The following CFAP95 variants were observed in gnomAD, a reference collection of about 807,000 sequenced individuals.
CFAP95 encodes the protein cilia and flagella associated protein 95, also known as cilia- and flagella-associated protein 95.
At chr9:69,838,615 G>A in the CFAP95 span, among the ~76,000 whole-genome samples, 66 of 151,912 alleles carry the variant, frequency 4.3e-4, no homozygotes, top group African/African-American at 1.6e-3. Flanking sequence ...TTGCTTATCA[G>A]CTTAAGGAGA....
the CFAP95 span, among the ~76,000 whole-genome samples, chr9:69,831,245 C>A: frequency 6.6e-6 from 1 of 151,674 alleles, no homozygotes; most frequent in Non-Finnish European, 1.5e-5. Context: ...AATAATTTAG[C>A]CTCCTTTTAT....
chr9:69,822,536 C>T, the CFAP95 span, among the ~76,000 whole-genome samples: 2 of 152,322 alleles, frequency 1.3e-5, no homozygotes, highest in South Asian at 4.1e-4. Flanking sequence ...TCAAGCAAAA[C>T]ACTTAGCTCT....
At chr9:69,876,066 A>C in the CFAP95 span, among the ~76,000 whole-genome samples, 1 of 152,244 alleles carries the variant, frequency 6.6e-6, no homozygotes, top group Admixed American at 6.5e-5. Context: ...TTGGGTAATA[A>C]GACATATGCA....
At chr9:69,876,506 C>T in the CFAP95 span, among the ~76,000 whole-genome samples, 1 of 151,254 alleles carries the variant, frequency 6.6e-6, no homozygotes, top group South Asian at 2.1e-4. Flanking sequence ...GCACTCCAGC[C>T]TGGGGATGAC....
chr9:69,889,198 T>C, the CFAP95 span, among the ~76,000 whole-genome samples: 2 of 152,228 alleles, frequency 1.3e-5, no homozygotes, highest in Non-Finnish European at 2.9e-5. Flanking sequence ...GGAAACCGTA[T>C]TTGTAAATAC....
the CFAP95 span, among the ~76,000 whole-genome samples, chr9:69,824,669 G>A: frequency 1.3e-5 from 2 of 151,932 alleles, no homozygotes; most frequent in African/African-American, 4.8e-5. Flanking sequence ...GGAAATGCAT[G>A]CATTAGAAAG....
At chr9:69,894,103 T>G in the CFAP95 span, among the ~76,000 whole-genome samples, 12 of 152,176 alleles carry the variant, frequency 7.9e-5, no homozygotes, top group African/African-American at 2.9e-4. Context: ...ATGGTGGCCT[T>G]TCTAACCTAA....
the CFAP95 span, chr9:69,858,051 G>T: frequency 7.1e-7 from 1 of 1,405,438 alleles, no homozygotes; most frequent in Non-Finnish European, 1.0e-6. Flanking sequence ...AGGGGCAAAG[G>T]TATGACAGGG....
At chr9:69,885,597 C>T in the CFAP95 span, among the ~76,000 whole-genome samples, 1 of 152,230 alleles carries the variant, frequency 6.6e-6, no homozygotes, top group African/African-American at 2.4e-5. Flanking sequence ...TCAGGGTTTC[C>T]CTTTTGGGCT....
At chr9:69,835,518 G>A in the CFAP95 span, among the ~76,000 whole-genome samples, 51 of 152,216 alleles carry the variant, frequency 3.4e-4, no homozygotes, top group Admixed American at 9.2e-4. Flanking sequence ...CCCTCTTTAC[G>A]TGTGCTTTTG....
At chr9:69,898,446 A>G in the CFAP95 span, among the ~76,000 whole-genome samples, 3 of 152,196 alleles carry the variant, frequency 2.0e-5, no homozygotes, top group Non-Finnish European at 4.4e-5. Flanking sequence ...GGTAATTTTA[A>G]TTGTTGTATA....
the CFAP95 span, among the ~76,000 whole-genome samples, chr9:69,865,925 G>C: frequency 6.6e-6 from 1 of 152,060 alleles, no homozygotes; most frequent in Non-Finnish European, 1.5e-5. Flanking sequence ...CTATGAATTG[G>C]TTTCATCATT....
At chr9:69,832,620 A>ATTTTTTTTTTTTTTTTTTTT in the CFAP95 span, among the ~76,000 whole-genome samples, 2 of 11,350 alleles carry the variant, frequency 1.8e-4, no homozygotes, top group Non-Finnish European at 2.7e-4. Flanking sequence ...GTCTATTCGG[A>ATTTTTTTTTTTTTTTTTTTT]TTTTTTTTTT....
the CFAP95 span, among the ~76,000 whole-genome samples, chr9:69,879,952 T>C: frequency 1.3e-5 from 2 of 152,136 alleles, no homozygotes; most frequent in Non-Finnish European, 2.9e-5. Context: ...ACACTGTATA[T>C]ACTTTTATAT....
At chr9:69,874,026 CA>C in the CFAP95 span, among the ~76,000 whole-genome samples, 1 of 152,114 alleles carries the variant, frequency 6.6e-6, no homozygotes, top group African/African-American at 2.4e-5. Flanking sequence ...CTGTTAAAGA[CA>C]AAAGAGGGCA....
chr9:69,891,919 T>C, the CFAP95 span, among the ~76,000 whole-genome samples: 3 of 152,200 alleles, frequency 2.0e-5, no homozygotes, highest in African/African-American at 7.2e-5. Context: ...CTTGGACTTC[T>C]ATGCCCTATT....
At chr9:69,832,620 A>ATTTTTTTTTT in the CFAP95 span, among the ~76,000 whole-genome samples, 7 of 11,348 alleles carry the variant, frequency 6.2e-4, 1 homozygote, top group African/African-American at 2.2e-3. Flanking sequence ...GTCTATTCGG[A>ATTTTTTTTTT]TTTTTTTTTT....
chr9:69,831,433 CTT>C, the CFAP95 span, among the ~76,000 whole-genome samples: 1 of 151,304 alleles, frequency 6.6e-6, no homozygotes, highest in East Asian at 1.9e-4. Context: ...ATGAAGAACT[CTT>C]TTTTTTTAAT....
the CFAP95 span, among the ~76,000 whole-genome samples, chr9:69,891,627 TAAAC>T: frequency 6.6e-6 from 1 of 152,044 alleles, no homozygotes; most frequent in Non-Finnish European, 1.5e-5. Context: ...TTTACCTACA[TAAAC>T]AAACCTGCAC....
Sources: allele counts gnomAD v4.1 joint callset (sites outside exome capture counted in the v4.1 genomes callset), GRCh38; gene constraint gnomAD v4.1.1; transcripts MANE v1.5; gene names NCBI Gene and HGNC (gene_info 2026-07-23, HGNC 2026-07-21).